USH2A: variants seen among roughly 807,000 people sequenced by gnomAD.
USH2A encodes the protein usherin.
Under a neutral mutation model 538.9 loss-of-function variants are expected in USH2A, and 443 were observed. The ratio of observed to expected loss-of-function variants is 0.82; its 90% CI spans 0.76 to 0.89. The LOEUF (loss-of-function observed/expected upper bound fraction) is 0.89, where lower values mean the gene tolerates loss of function less well. USH2A is among the 40% of genes least tolerant of loss of function. USH2A has a pLI of 0.00. For missense variants in USH2A, 6,633 were observed against 6,324.8 expected (o/e 1.05, Z -1.65); for synonymous variants, 2,413 against 2,273.5 (o/e 1.06, Z -1.75).
chr1:215,750,616 C>A (rs1308737310), intron 58 of USH2A, among the ~76,000 whole-genome samples: 2 of 152,084 alleles, frequency 1.3e-5, no homozygotes, highest in African/African-American at 4.8e-5. Context: ...AGTTTTTTAG[C>A]TTTTAAATGG....
At chr1:215,687,591 G>C (rs12145669) in intron 61 of USH2A, among the ~76,000 whole-genome samples, 30,534 of 151,852 alleles carry the variant, frequency 0.2, 3,337 homozygotes, top group Non-Finnish European at 0.23. Flanking sequence ...TTTTTCAAAG[G>C]AGAAGAGGAA....
intron 4 of USH2A, among the ~76,000 whole-genome samples, chr1:216,333,852 T>A (rs1393519733): frequency 6.6e-6 from 1 of 152,106 alleles, no homozygotes; most frequent in East Asian, 1.9e-4. Context: ...AAAACTATTT[T>A]TTCTAGCAAA....
chr1:215,986,310 CTTTTTTT>C (rs34962559), intron 35 of USH2A, among the ~76,000 whole-genome samples: 7 of 131,434 alleles, frequency 5.3e-5, no homozygotes, highest in Admixed American at 8.2e-5. Flanking sequence ...TTTTCTTTTT[CTTTTTTT>C]TTTTTTTTTG....
At chr1:215,859,215 T>G (rs1353973398) in intron 44 of USH2A, among the ~76,000 whole-genome samples, 1 of 152,112 alleles carries the variant, frequency 6.6e-6, no homozygotes, top group Non-Finnish European at 1.5e-5. Context: ...ATAAAGGGAC[T>G]TTTTTCAACC....
chr1:215,695,489 A>T (rs933069015), intron 61 of USH2A, among the ~76,000 whole-genome samples: 7 of 145,824 alleles, frequency 4.8e-5, no homozygotes, highest in South Asian at 2.1e-4. Flanking sequence ...ATTTCCCAAT[A>T]AAAAAAAACA....
chr1:215,650,473 G>T, intron 65 of USH2A, 119 bp downstream of exon 65: 1 of 1,197,156 alleles, frequency 8.4e-7, no homozygotes, highest in African/African-American at 1.5e-5. Context: ...TCACCGTAGA[G>T]CAACTGAGAA....
chr1:215,846,349 A>G (rs559757717), intron 44 of USH2A, among the ~76,000 whole-genome samples: 6 of 152,186 alleles, frequency 3.9e-5, no homozygotes, highest in Non-Finnish European at 7.4e-5. Context: ...AGTAGCTGGG[A>G]CTACAGGCTC....
intron 61 of USH2A, among the ~76,000 whole-genome samples, chr1:215,696,913 G>A (rs545590087): frequency 2.0e-5 from 3 of 152,096 alleles, no homozygotes; most frequent in South Asian, 2.1e-4. Flanking sequence ...AGAGGATGCC[G>A]TGGTCATATT....
chr1:216,121,050 T>A (rs769950043), intron 21 of USH2A, among the ~76,000 whole-genome samples: 4 of 152,174 alleles, frequency 2.6e-5, no homozygotes, highest in Non-Finnish European at 5.9e-5. Context: ...GAACATTTAT[T>A]TAAGAGGTGA....
At chr1:216,166,313 A>T (rs2034168978) in intron 21 of USH2A, among the ~76,000 whole-genome samples, 1 of 152,108 alleles carries the variant, frequency 6.6e-6, no homozygotes, top group Non-Finnish European at 1.5e-5. Context: ...AGTGTGCTAT[A>T]TTCAAGCACT....
chr1:216,030,275 T>C (rs1376147695), intron 32 of USH2A, among the ~76,000 whole-genome samples: 6 of 137,802 alleles, frequency 4.4e-5, no homozygotes, highest in African/African-American at 5.2e-5. Context: ...TATAGATATG[T>C]ATCACAGATA....
intron 61 of USH2A, among the ~76,000 whole-genome samples, chr1:215,707,600 A>T (rs779698828): frequency 1.3e-5 from 2 of 152,188 alleles, no homozygotes; most frequent in African/African-American, 2.4e-5. Flanking sequence ...TTTAAATTTG[A>T]CTTTATAGTT....
At chr1:216,367,622 G>A (rs1419356448) in intron 3 of USH2A, among the ~76,000 whole-genome samples, 2 of 152,020 alleles carry the variant, frequency 1.3e-5, no homozygotes, top group East Asian at 3.9e-4. Context: ...CACTTTATAG[G>A]TACTTAAATA....
intron 32 of USH2A, among the ~76,000 whole-genome samples, chr1:216,034,390 A>C (rs1669196378): frequency 6.6e-6 from 1 of 152,158 alleles, no homozygotes. Flanking sequence ...CTGAGTGGCA[A>C]AGTAGTTGTG....
At chr1:216,185,944 C>T (rs1572029649) in intron 20 of USH2A, among the ~76,000 whole-genome samples, 1 of 151,650 alleles carries the variant, frequency 6.6e-6, no homozygotes, top group Non-Finnish European at 1.5e-5. Flanking sequence ...CTGAACAACC[C>T]TAAAAATGAT....
chr1:216,255,873 G>A (rs563423112), intron 11 of USH2A, among the ~76,000 whole-genome samples: 2 of 152,140 alleles, frequency 1.3e-5, no homozygotes, highest in East Asian at 1.9e-4. Context: ...CTTCAGTTAC[G>A]TTAGTTTTTG....
At chr1:216,229,344 C>T (rs2035629824) in intron 14 of USH2A, among the ~76,000 whole-genome samples, 1 of 151,574 alleles carries the variant, frequency 6.6e-6, no homozygotes, top group Non-Finnish European at 1.5e-5. Context: ...GAGACAGGGT[C>T]TCGCTCTGTT....
intron 21 of USH2A, among the ~76,000 whole-genome samples, chr1:216,171,738 T>C (rs1000928084): frequency 7.9e-5 from 12 of 152,076 alleles, no homozygotes; most frequent in African/African-American, 2.7e-4. Context: ...ATTATGTTAA[T>C]TTTAAAGAAA....
At chr1:216,127,904 T>C (rs938536739) in intron 21 of USH2A, among the ~76,000 whole-genome samples, 3 of 152,172 alleles carry the variant, frequency 2.0e-5, no homozygotes, top group African/African-American at 7.2e-5. Flanking sequence ...TTGCTATCTG[T>C]ATTCTAAGTA....
Sources: gnomAD v4.1 joint callset for allele counts (sites outside exome capture counted in the v4.1 genomes callset) on GRCh38, gnomAD v4.1.1 for gene constraint, MANE v1.5 for transcripts, NCBI Gene and HGNC (gene_info 2026-07-23, HGNC 2026-07-21) for gene names.